AFF3: variants seen among roughly 807,000 people sequenced by gnomAD.
AFF3 encodes AF4/FMR2 family member 3.
AFF3 carries 32 observed loss-of-function variants against 129.7 expected under a neutral mutation model. The observed-to-expected ratio is 0.25, with a 90% CI of 0.19 to 0.33. AFF3 has a LOEUF of 0.33. Ranked by LOEUF, AFF3 falls within the 10% of genes least tolerant of loss-of-function variation. AFF3 has a pLI of 1.00. For missense variants in AFF3, 1,373 were observed against 1,592.0 expected (o/e 0.86, Z 2.34); for synonymous variants, 644 against 635.4 (o/e 1.01, Z -0.20).
rs551284712 is a variant in AFF3 at position 99,862,298 on chromosome 2, C to T, written c.874-24774G>A. Among the ~76,000 whole-genome samples, 14 of 152,270 alleles carry T rather than the reference C, an allele frequency of 9.2e-5. No individual in the cohort carries two copies. In the East Asian group the frequency reaches 2.7e-3, roughly 29 times the overall value. Reference sequence around the variant, plus strand: ...TTCACTGGAATGGTCCAGCTTCCGGCCAGGGACTGTCCTCTGCAGCACACT... The same window carrying T: ...TTCACTGGAATGGTCCAGCTTCCGGTCAGGGACTGTCCTCTGCAGCACACT... On this transcript the variant is annotated intron_variant, in intron 7 of 24. Coordinates refer to ENST00000672756, the MANE Select transcript of AFF3 (RefSeq NM_001386135.1).
Position 99,633,280 on chromosome 2 carries a change from T to C in AFF3, c.1184+16346A>G, listed in dbSNP as rs146240667. 4.4e-3 allele frequency among the ~76,000 whole-genome samples: 675 copies of C among 152,072 alleles called. 4 individuals carry two copies. The highest frequency in any genetic ancestry group is 4.4e-3 in the Admixed American group (67 of 15,286). ...GGCACAAGCTGGGGTTTGCTGTCCATGGAAGGCAGGAAATGAGGTGTCTCA... is the reference window on the plus strand; with the variant it reads ...GGCACAAGCTGGGGTTTGCTGTCCACGGAAGGCAGGAAATGAGGTGTCTCA... On this transcript the variant is annotated intron_variant, in intron 13 of 24. Coordinates refer to ENST00000672756, the MANE Select transcript of AFF3 (RefSeq NM_001386135.1).
intron 8 of AFF3, among the ~76,000 whole-genome samples, chr2:99,755,376 T>A (rs1558819327): frequency 6.6e-6 from 1 of 151,942 alleles, no homozygotes. Flanking sequence ...CAAGCAATTC[T>A]CCTGCCTCAG....
At chr2:100,104,575 C>T (rs2105497031) in intron 3 of AFF3, 57 bp from the exon 4 acceptor site, 1 of 1,034,022 alleles carries the variant, frequency 9.7e-7, no homozygotes, top group East Asian at 8.4e-5. Flanking sequence ...CGGCCGCCGC[C>T]CGCCCACCGC....
chr2:99,649,444 C>T (rs940817308), intron 13 of AFF3, among the ~76,000 whole-genome samples, 182 bp downstream of exon 13: 1 of 152,154 alleles, frequency 6.6e-6, no homozygotes, highest in Admixed American at 6.5e-5. Context: ...TGAAATACAA[C>T]AAGGCGATTT....
chr2:99,650,780 T>C (rs1307694101), intron 12 of AFF3, among the ~76,000 whole-genome samples: 1 of 146,852 alleles, frequency 6.8e-6, no homozygotes, highest in Non-Finnish European at 1.5e-5. Flanking sequence ...TTTGTTTTTT[T>C]CTTCTACTAA....
chr2:99,752,192 T>A, intron 9 of AFF3, 29 bp downstream of exon 9: 1 of 1,576,370 alleles, frequency 6.3e-7, no homozygotes, highest in Non-Finnish European at 8.7e-7. Flanking sequence ...GAGTGAAACA[T>A]ATTCCTCCTG....
intron 4 of AFF3, among the ~76,000 whole-genome samples, chr2:100,085,716 T>C (rs901934372): frequency 6.6e-6 from 1 of 152,040 alleles, no homozygotes; most frequent in East Asian, 1.9e-4. Context: ...GGAAAGATGA[T>C]CTCTAAGGTT....
chr2:99,985,975 C>T (rs926890279), intron 7 of AFF3, among the ~76,000 whole-genome samples: 34 of 151,976 alleles, frequency 2.2e-4, no homozygotes, highest in African/African-American at 6.5e-4. Context: ...CCGAGGTGGG[C>T]GGATCACGAG....
At chr2:99,553,364 T>C (rs1010463402) in intron 24 of AFF3, among the ~76,000 whole-genome samples, 8 of 152,172 alleles carry the variant, frequency 5.3e-5, no homozygotes, top group African/African-American at 1.9e-4. Context: ...CTGCCATACA[T>C]TCCTTATCTC....
chr2:99,559,255 C>A (rs539473288), intron 21 of AFF3, among the ~76,000 whole-genome samples: 1 of 152,330 alleles, frequency 6.6e-6, no homozygotes, highest in East Asian at 1.9e-4. Flanking sequence ...TTCCTTCTTC[C>A]ACCACGAGAG....
At chr2:100,007,609 AAG>A in intron 5 of AFF3, 149 bp from the exon 6 acceptor site, 1 of 729,618 alleles carries the variant, frequency 1.4e-6, no homozygotes, top group Non-Finnish European at 2.2e-6. Context: ...ATCGTCTCTG[AAG>A]ATGTCTGTCA....
intron 12 of AFF3, among the ~76,000 whole-genome samples, chr2:99,668,283 C>A (rs1028453920): frequency 6.6e-6 from 1 of 151,264 alleles, no homozygotes; most frequent in Middle Eastern, 3.6e-3. Context: ...GCAATACTCC[C>A]GTCTCAGCCT....
At chr2:100,088,428 G>T (rs1409579354) in intron 4 of AFF3, among the ~76,000 whole-genome samples, 2 of 152,038 alleles carry the variant, frequency 1.3e-5, no homozygotes, top group East Asian at 3.9e-4. Flanking sequence ...TCCTCTTTTA[G>T]TTTTATTACT....
intron 11 of AFF3, among the ~76,000 whole-genome samples, chr2:99,710,069 A>G (rs1677755388): frequency 6.6e-6 from 1 of 152,160 alleles, no homozygotes; most frequent in African/African-American, 2.4e-5. Context: ...TTGGTTTCTT[A>G]TCTATACAAT....
At chr2:99,859,771 C>T (rs1368071135) in intron 7 of AFF3, among the ~76,000 whole-genome samples, 2 of 152,064 alleles carry the variant, frequency 1.3e-5, no homozygotes, top group East Asian at 1.9e-4. Context: ...GAGCAAGCAC[C>T]AGGAAAAATC....
chr2:100,019,129 T>A (rs1440251099), intron 4 of AFF3, among the ~76,000 whole-genome samples: 2 of 151,930 alleles, frequency 1.3e-5, no homozygotes, highest in Non-Finnish European at 2.9e-5. Flanking sequence ...TCTCATCCAA[T>A]CCCCATACTT....
intron 1 of AFF3, among the ~76,000 whole-genome samples, chr2:100,129,709 AG>A (rs1448847304): frequency 3.3e-5 from 5 of 152,218 alleles, no homozygotes; most frequent in African/African-American, 1.2e-4. Context: ...ATTTTTACTG[AG>A]CGCTTAGCAT....
At chr2:100,029,874 G>C (rs919098009) in intron 4 of AFF3, among the ~76,000 whole-genome samples, 1 of 152,078 alleles carries the variant, frequency 6.6e-6, no homozygotes, top group African/African-American at 2.4e-5. Flanking sequence ...AGACCAGCCT[G>C]AGCAACATGG....
chr2:99,714,829 A>G (rs1400976231), intron 11 of AFF3, among the ~76,000 whole-genome samples: 2 of 152,244 alleles, frequency 1.3e-5, no homozygotes, highest in Admixed American at 6.5e-5. Context: ...GTTTTCTAAG[A>G]TAGTGCTACA....
Sources: allele counts gnomAD v4.1 joint callset (sites outside exome capture counted in the v4.1 genomes callset), GRCh38; gene constraint gnomAD v4.1.1; transcripts MANE v1.5; gene names NCBI Gene and HGNC (gene_info 2026-07-23, HGNC 2026-07-21).